Variants in AGO3 observed in about 807,000 individuals in gnomAD.
The protein encoded by AGO3 is argonaute RISC catalytic component 3.
A neutral mutation model predicts 105.5 loss-of-function variants in AGO3; 16 were observed. The ratio of observed to expected loss-of-function variants is 0.15; its 90% CI spans 0.10 to 0.23. The LOEUF is 0.23. Ranked by LOEUF, AGO3 falls within the 10% of genes least tolerant of loss-of-function variation. The pLI, the probability that AGO3 is intolerant of heterozygous loss-of-function variation, is 1.00. For synonymous variants in AGO3, 340 were observed against 367.3 expected, an observed-to-expected ratio of 0.93 and a Z score of 0.85; for missense variants, 534 against 1,088.0, an observed-to-expected ratio of 0.49 and a Z score of 7.16.
chr1:36,039,019 T>C (rs1409568047), intron 14 of AGO3, among the ~76,000 whole-genome samples: 1 of 152,230 alleles, frequency 6.6e-6, no homozygotes, highest in African/African-American at 2.4e-5. Context: ...TTTTCTCTTA[T>C]TCTCTTATAC....
At chr1:35,993,924 T>G (rs1451357109) in intron 5 of AGO3, among the ~76,000 whole-genome samples, 3 of 151,380 alleles carry the variant, frequency 2.0e-5, no homozygotes, top group Non-Finnish European at 2.9e-5. Context: ...ATTTTTGTTT[T>G]TAGTAGAGAC....
At chr1:36,052,694 C>G (rs929500387) in intron 17 of AGO3, among the ~76,000 whole-genome samples, 2 of 151,884 alleles carry the variant, frequency 1.3e-5, no homozygotes, top group East Asian at 3.9e-4. Flanking sequence ...ATAACAAAAG[C>G]CAAAAAAAGT....
Position 35,973,405 on chromosome 1 carries a change from C to T in AGO3, c.552C>T (p.Ser184=), listed in dbSNP as rs771632440. ...CACCTGTGGGGCGTTCATTTTTCTC[C>T]GCTCCAGAAGGATATGACCACCCTC... The part of the protein sequence containing the change: ...KYTPVGRSFF[S]APEGYDHPLG... Residue 184 remains serine (S), a synonymous_variant, in exon 5 of 19, where the codon TCC becomes TCT. Coordinates refer to ENST00000373191, the MANE Select transcript of AGO3 (RefSeq NM_024852.4). 69 of 1,583,106 alleles carry T rather than the reference C, an allele frequency of 4.4e-5. No individual in the cohort carries two copies. Among genetic ancestry groups the T allele is most frequent in the Admixed American group, 5.1e-5 (3 of 58,358 alleles).
In AGO3 at chr1:36,062,159, C is replaced by A. The variant is rs1292616477; in HGVS notation, c.*6414C>A. On this transcript the variant is annotated 3_prime_UTR_variant, in exon 19 of 19. Transcript: ENST00000373191. ...TCATAGGCAACATTTTCTAATTAAT[C>A]TTTTTTTTTTTTTTTTTTTTTGAGA... 1 of 128,236 alleles carries A rather than the reference C, an allele frequency of 7.8e-6. No individual in the cohort carries two copies. Among genetic ancestry groups the A allele is most frequent in the Non-Finnish European group, 1.7e-5 (1 of 60,056 alleles). 7.9% of individuals were successfully genotyped at this position (128,236 alleles called of 1,614,324 possible). A position where few individuals can be genotyped will look rare whatever the true frequency, so the allele number is the denominator to read the frequency against.
chr1:35,999,459 T>C (rs1315763723), intron 5 of AGO3, among the ~76,000 whole-genome samples: 1 of 152,220 alleles, frequency 6.6e-6, no homozygotes, highest in Non-Finnish European at 1.5e-5. Context: ...TTGACTGAAA[T>C]TGCGATTGAA....
At position 36,042,072 on chromosome 1, in the gene AGO3, T is replaced by G. The variant is rs148655469; in HGVS notation, c.2173-1375T>G. On this transcript the variant is annotated intron_variant, in intron 16 of 18. Coordinates refer to ENST00000373191, the MANE Select transcript of AGO3 (RefSeq NM_024852.4). ...AATTTAATCCTCACCAACAAGATTATGAGATAGTTGTATTTTTTTGTTTTT... is the reference window on the plus strand; with the variant it reads ...AATTTAATCCTCACCAACAAGATTAGGAGATAGTTGTATTTTTTTGTTTTT... Among the ~76,000 whole-genome samples the G allele has an allele frequency of 2.6e-3, 393 of 152,278 alleles. 3 individuals carry two copies. Among genetic ancestry groups the G allele is most frequent in the African/African-American group, 8.8e-3 (365 of 41,564 alleles).
Position 36,011,965 on chromosome 1 carries a change from A to G in AGO3, c.1150-1665A>G, listed in dbSNP as rs546800483. 3.3e-5 allele frequency among the ~76,000 whole-genome samples: 5 copies of G among 152,228 alleles called. 1 individual carries two copies. The South Asian group carries it at 1.0e-3, about 32-fold the overall frequency. On this transcript the variant is annotated intron_variant, in intron 9 of 18. Coordinates refer to ENST00000373191, the MANE Select transcript of AGO3 (RefSeq NM_024852.4). ...TATTAGTTGTTATAGTATAGTCGTCATTATTCGCTGTAACCTTATTACAGG... is the reference window on the plus strand; with the variant it reads ...TATTAGTTGTTATAGTATAGTCGTCGTTATTCGCTGTAACCTTATTACAGG...
In AGO3 at chr1:36,010,520, C is replaced by T. The variant is rs529387742; in HGVS notation, c.1149+926C>T. 2.0e-5 allele frequency among the ~76,000 whole-genome samples: 3 copies of T among 151,638 alleles called. No individual in the cohort carries two copies. The South Asian group carries it at 6.2e-4, about 32-fold the overall frequency. On this transcript the variant is annotated intron_variant, in intron 9 of 18. Coordinates refer to ENST00000373191, the MANE Select transcript of AGO3 (RefSeq NM_024852.4). ...TCAGGTGGCTGAGGCATGAGAATAACTTGAACCTGGGAGGCAGAGGCTGCA... is the reference window on the plus strand; with the variant it reads ...TCAGGTGGCTGAGGCATGAGAATAATTTGAACCTGGGAGGCAGAGGCTGCA...
chr1:35,940,982 C>T (rs1646242619), intron 1 of AGO3, among the ~76,000 whole-genome samples: 1 of 152,136 alleles, frequency 6.6e-6, no homozygotes, highest in African/African-American at 2.4e-5. Context: ...TGAGGACACC[C>T]ACATTTACAC....
chr1:36,008,827 T>G lies in AGO3; in HGVS notation c.881+50T>G, dbSNP rs568676264. 3 of 1,613,902 alleles carry G rather than the reference T, an allele frequency of 1.9e-6. No individual in the cohort carries two copies. Among genetic ancestry groups the G allele is most frequent in the Non-Finnish European group, 2.5e-6 (3 of 1,179,904 alleles). On this transcript the variant is annotated intron_variant, in intron 7 of 18. Coordinates refer to ENST00000373191, the MANE Select transcript of AGO3 (RefSeq NM_024852.4). The surrounding 1 kb of genome is among the most constrained non-coding windows in gnomAD (Gnocchi z 5.1). ...GATGGTGTGAGGCAGCTTGCTCTAG[T>G]TAGTGGGGTTGGGAGTTTTTCTGGC...
At chr1:35,986,339 A>G (rs1647176692) in intron 5 of AGO3, among the ~76,000 whole-genome samples, 1 of 152,262 alleles carries the variant, frequency 6.6e-6, no homozygotes, top group Non-Finnish European at 1.5e-5. Context: ...ATTGTGGTGT[A>G]CTACATAACA....
chr1:36,033,518 G>A (rs965521529), intron 12 of AGO3, among the ~76,000 whole-genome samples: 1 of 151,372 alleles, frequency 6.6e-6, no homozygotes, highest in African/African-American at 2.4e-5. Flanking sequence ...GGTGGTGCAT[G>A]CCTGTAGTTC....
chr1:35,958,882 A>G (rs1449737051), intron 2 of AGO3, among the ~76,000 whole-genome samples: 1 of 152,164 alleles, frequency 6.6e-6, no homozygotes, highest in Non-Finnish European at 1.5e-5. Context: ...TACTTTAGCA[A>G]TCTTCTTTCT....
rs681300 is a variant in AGO3, at chr1:35,981,423, T to G, written c.658+7912T>G. 1.4e-3 allele frequency among the ~76,000 whole-genome samples: 210 copies of G among 152,258 alleles called. 2 individuals carry two copies. The highest frequency in any genetic ancestry group is 4.6e-3 in the African/African-American group (191 of 41,550). Reference sequence around the variant, plus strand: ...GTTCTGGTGGACTCTTTCTTCAAAATGCAGCCACATCTCCTATGCCTCTCA... The same window carrying G: ...GTTCTGGTGGACTCTTTCTTCAAAAGGCAGCCACATCTCCTATGCCTCTCA... On this transcript the variant is annotated intron_variant, in intron 5 of 18. Coordinates refer to ENST00000373191, the MANE Select transcript of AGO3 (RefSeq NM_024852.4).
chr1:35,989,299 C>G (rs1246161942), intron 5 of AGO3, among the ~76,000 whole-genome samples: 2 of 152,150 alleles, frequency 1.3e-5, no homozygotes, highest in African/African-American at 4.8e-5. Flanking sequence ...ATTTAATAGC[C>G]TAACTTTCAA....
At position 36,005,393 on chromosome 1, in the gene AGO3, GAT is replaced by G. The variant is rs779097154; in HGVS notation, c.793+920_793+921del. ...TTCGCCATTCAGTAACCAAGAGAGA[GAT>G]AGTCATTGTAATAAAATATTAAAAG... On this transcript the variant is annotated intron_variant, in intron 6 of 18. Transcript: ENST00000373191. Among the ~76,000 whole-genome samples, 6 of 152,228 alleles carry G rather than the reference GAT, an allele frequency of 3.9e-5. No homozygotes were observed. The South Asian group carries it at 1.2e-3, about 32-fold the overall frequency.
intron 5 of AGO3, among the ~76,000 whole-genome samples, chr1:35,989,570 C>T (rs1647421064): frequency 6.6e-6 from 1 of 152,130 alleles, no homozygotes; most frequent in African/African-American, 2.4e-5. Flanking sequence ...TTGTAATTCA[C>T]AGATTTTAAG....
At chr1:35,965,183 A>G (rs550182726) in intron 2 of AGO3, among the ~76,000 whole-genome samples, 2 of 152,130 alleles carry the variant, frequency 1.3e-5, no homozygotes, top group East Asian at 3.9e-4. Flanking sequence ...TTAGATCTGT[A>G]AAATTTCACC....
At chr1:35,957,213 C>T (rs1044069621) in intron 2 of AGO3, among the ~76,000 whole-genome samples, 2 of 146,534 alleles carry the variant, frequency 1.4e-5, no homozygotes, top group South Asian at 4.4e-4. Flanking sequence ...AGCTGGGCAT[C>T]GTGGTACATG....
Sources: allele counts gnomAD v4.1 joint callset (sites outside exome capture counted in the v4.1 genomes callset), GRCh38; gene constraint gnomAD v4.1.1; non-coding constraint Gnocchi (gnomAD v3.1); transcripts MANE v1.5; gene names NCBI Gene and HGNC (gene_info 2026-07-23, HGNC 2026-07-21).